COX19: variants seen among roughly 807,000 people sequenced by gnomAD.
COX19 encodes the protein cytochrome c oxidase assembly protein COX19.
Under a neutral mutation model 6.8 loss-of-function variants are expected in COX19, and 8 were observed. The observed-to-expected ratio is 1.18, with a 90% CI of 0.69 to 2.12. COX19 has a LOEUF of 2.12. Among genes scored for constraint, COX19 ranks in the 30% most tolerant of loss-of-function variants. COX19 has a pLI of 0.00. For synonymous variants in COX19, 51 were observed against 38.0 expected (o/e 1.34, Z -1.26); for missense variants, 131 against 104.6 (o/e 1.25, Z -1.10).
intron 1 of COX19, among the ~76,000 whole-genome samples, chr7:974,597 GAAAATGTCACAAT>G (rs1304709478): frequency 6.6e-6 from 1 of 152,158 alleles, no homozygotes; most frequent in Non-Finnish European, 1.5e-5. Flanking sequence ...TTTGCTATTT[GAAAATGTCACAAT>G]AAAATGTTGG....
In COX19 at chr7:969,372, C is replaced by G; in HGVS notation, c.*6G>C. 6.3e-7 allele frequency: 1 copy of G among 1,591,446 alleles called. No individual in the cohort carries two copies. Among genetic ancestry groups the G allele is most frequent in the South Asian group, 1.1e-5 (1 of 90,586 alleles). Reference sequence around the variant, plus strand: ...GAACACGGCCCAGGGGTCTTCTCATCAAAATTCATTTTTTTGCCTCTGATT... The same window carrying G: ...GAACACGGCCCAGGGGTCTTCTCATGAAAATTCATTTTTTTGCCTCTGATT... On this transcript the variant is annotated 3_prime_UTR_variant, in exon 3 of 3. Transcript: ENST00000344111.
In COX19 at chr7:964,868, T is replaced by C. The variant is rs1252362020; in HGVS notation, c.*4510A>G. ...CTCTGGAAATTGTCTTTGGGAGCCTTTTAATAATGTGGCCAGCTTATCATG... is the reference window on the plus strand; with the variant it reads ...CTCTGGAAATTGTCTTTGGGAGCCTCTTAATAATGTGGCCAGCTTATCATG... On this transcript the variant is annotated 3_prime_UTR_variant, in exon 3 of 3. Coordinates refer to ENST00000344111, the MANE Select transcript of COX19 (RefSeq NM_001031617.3). Among the ~76,000 whole-genome samples, 1 of 152,260 alleles carries C rather than the reference T, an allele frequency of 6.6e-6. No homozygotes were observed. Among genetic ancestry groups the C allele is most frequent in the Admixed American group, 6.5e-5 (1 of 15,284 alleles).
intron 2 of COX19, 77 bp downstream of exon 2, chr7:973,104 G>C: frequency 1.1e-6 from 1 of 938,808 alleles, no homozygotes; most frequent in Non-Finnish European, 1.5e-6. Flanking sequence ...AAGACACACT[G>C]TAATGGCCTT....
intron 2 of COX19, among the ~76,000 whole-genome samples, chr7:970,439 A>ATTTT (rs1171573366): frequency 1.6e-5 from 2 of 121,240 alleles, no homozygotes; most frequent in African/African-American, 3.3e-5. Context: ...CGGCCAGCTA[A>ATTTT]TTTTTTTTTT....
At chr7:975,242 G>A (rs944848202) in intron 1 of COX19, 186 bp downstream of exon 1, 2 of 470,702 alleles carry the variant, frequency 4.2e-6, no homozygotes, top group Admixed American at 4.3e-5. Flanking sequence ...GGTCCTGCCA[G>A]CTCCCACCTG....
chr7:970,956 C>A (rs1219661525), intron 2 of COX19, among the ~76,000 whole-genome samples: 2 of 152,160 alleles, frequency 1.3e-5, no homozygotes, highest in South Asian at 2.1e-4. Flanking sequence ...TCTTTATGGG[C>A]CCCACACTCT....
At chr7:969,828 C>T (rs1048214132) in intron 2 of COX19, among the ~76,000 whole-genome samples, 2 of 152,188 alleles carry the variant, frequency 1.3e-5, no homozygotes, top group East Asian at 3.8e-4. Flanking sequence ...GGATAATGAC[C>T]CCTAAAGGTG....
At position 965,128 on chromosome 7, in the gene COX19, G is replaced by T. The variant is rs976410975; in HGVS notation, c.*4250C>A. On this transcript the variant is annotated 3_prime_UTR_variant, in exon 3 of 3. Transcript: ENST00000344111. ...TTGGGATTCCGGCTTCTCTGCCTGT[G>T]ACCTGCTGAAACCATTCATGCCGGC... is the stretch of plus-strand genomic sequence containing the variant. Among the ~76,000 whole-genome samples, 11 of 152,184 alleles carry T rather than the reference G, an allele frequency of 7.2e-5. No homozygotes were observed. Among genetic ancestry groups the T allele is most frequent in the African/African-American group, 2.7e-4 (11 of 41,428 alleles).
chr7:965,527 G>A lies in COX19; in HGVS notation c.*3851C>T, dbSNP rs966945155. 2.6e-5 allele frequency among the ~76,000 whole-genome samples: 4 copies of A among 152,166 alleles called. No individual in the cohort carries two copies. The highest frequency in any genetic ancestry group is 5.9e-5 in the Non-Finnish European group (4 of 68,036). ...CCGGCGGTGGCTGCTGGGTTAAGGG[G>A]GCCTCTGCCGTTCTGCTGTGACATG... On this transcript the variant is annotated 3_prime_UTR_variant, in exon 3 of 3. Coordinates refer to ENST00000344111, the MANE Select transcript of COX19 (RefSeq NM_001031617.3).
intron 2 of COX19, among the ~76,000 whole-genome samples, chr7:971,098 A>G (rs1217062810): frequency 6.6e-6 from 1 of 152,166 alleles, no homozygotes; most frequent in African/African-American, 2.4e-5. Context: ...TCATCCCATG[A>G]GGCCCCCACA....
chr7:969,566 A>G, intron 2 of COX19, 110 bp from the exon 3 acceptor site: 1 of 749,798 alleles, frequency 1.3e-6, no homozygotes, highest in Non-Finnish European at 2.3e-6. Flanking sequence ...ACCTCCATCT[A>G]TGTCCTGGGA....
In COX19 at chr7:965,835, C is replaced by T. The variant is rs1040359679; in HGVS notation, c.*3543G>A. 1.3e-5 allele frequency among the ~76,000 whole-genome samples: 2 copies of T among 152,354 alleles called. No individual in the cohort carries two copies. Among genetic ancestry groups the T allele is most frequent in the African/African-American group, 4.8e-5 (2 of 41,582 alleles). ...TGTATTTTTAGTAGAGACAGGGTTT[C>T]TCCATGTTGGCCAGGCTGGCCTTGA... On this transcript the variant is annotated 3_prime_UTR_variant, in exon 3 of 3. Transcript: ENST00000344111.
chr7:973,369 G>A (rs1030392398), intron 1 of COX19, 77 bp from the exon 2 acceptor site: 37 of 1,442,128 alleles, frequency 2.6e-5, no homozygotes, highest in Middle Eastern at 1.8e-4. Flanking sequence ...TAAGAGCTGC[G>A]CTGCTTTTCC....
rs1166342275 is a variant in COX19 at position 966,631 on chromosome 7, CCT to C, written c.*2745_*2746del. Reference sequence around the variant, plus strand: ...TACAGAATGGTATCAGGGCCAAGACCCTGAGTGCACGGGTCACTGCGTCCAGG... The same window carrying C: ...TACAGAATGGTATCAGGGCCAAGACCGAGTGCACGGGTCACTGCGTCCAGG... On this transcript the variant is annotated 3_prime_UTR_variant, in exon 3 of 3. Coordinates refer to ENST00000344111, the MANE Select transcript of COX19 (RefSeq NM_001031617.3). The C allele has an allele frequency of 1.1e-4, 17 of 152,252 alleles. No homozygotes were observed. The highest frequency in any genetic ancestry group is 4.1e-4 in the African/African-American group (17 of 41,428). The allele number at this position is 152,252 out of a possible 1,614,324, so 9.4% of individuals were successfully genotyped here.
At chr7:975,125 C>A in intron 1 of COX19, 1 of 354,350 alleles carries the variant, frequency 2.8e-6, no homozygotes, top group Non-Finnish European at 5.1e-6. Flanking sequence ...ATGCCCCGCT[C>A]TGCAAACCCG....
chr7:972,645 T>C (rs960185051), intron 2 of COX19: 1 of 152,248 alleles, frequency 6.6e-6, no homozygotes, highest in Non-Finnish European at 1.5e-5. Context: ...GTGGGGATCA[T>C]AGCTACGAAC....
chr7:973,216 C>G lies in COX19; in HGVS notation c.159G>C (p.Lys53Asn). Residue 53 changes from lysine to asparagine, a missense_variant, in exon 2 of 3, where the codon AAG (lysine) becomes AAC (asparagine). Lys to Asn is a moderately conservative substitution (Grantham distance 94, BLOSUM62 0). Coordinates refer to ENST00000344111, the MANE Select transcript of COX19 (RefSeq NM_001031617.3). Reference protein sequence around the residue: ...NNNFENALCRKESKEYLECRM... With the variant: ...NNNFENALCRNESKEYLECRM... ...TGCATTCTAAATATTCTTTTGATTCCTTTCTGCACAAAGCATTTTCAAAAT... is the reference window on the plus strand; with the variant it reads ...TGCATTCTAAATATTCTTTTGATTCGTTTCTGCACAAAGCATTTTCAAAAT... The G allele has an allele frequency of 6.2e-7, 1 of 1,602,870 alleles. No individual in the cohort carries two copies. Among genetic ancestry groups the G allele is most frequent in the Non-Finnish European group, 8.5e-7 (1 of 1,175,130 alleles).
chr7:969,218 C>A lies in COX19; in HGVS notation c.*160G>T, dbSNP rs1847601641. On this transcript the variant is annotated 3_prime_UTR_variant, in exon 3 of 3. Transcript: ENST00000344111. ...CACCCTCCTAAGGGAAAACGGGACG[C>A]CACTCCCTACCCAGGAGACGCCCCC... 1 of 638,810 alleles carries A rather than the reference C, an allele frequency of 1.6e-6. No individual in the cohort carries two copies. Among genetic ancestry groups the A allele is most frequent in the African/African-American group, 1.8e-5 (1 of 54,584 alleles). The allele number at this position is 638,810 out of a possible 1,614,324, so 39.6% of individuals were successfully genotyped here.
rs577977089 is a variant in COX19 at position 971,693 on chromosome 7, A to C, written c.194+1488T>G. 3.3e-5 allele frequency among the ~76,000 whole-genome samples: 5 copies of C among 152,220 alleles called. No homozygotes were observed. In the East Asian group the frequency reaches 9.7e-4, roughly 29 times the overall value. On this transcript the variant is annotated intron_variant, in intron 2 of 2. Coordinates refer to ENST00000344111, the MANE Select transcript of COX19 (RefSeq NM_001031617.3). ...CAGACCATCCTGGCTAACACGGTGA[A>C]ACCCCGTCTCTACTAAAAATACAAA...
Sources: allele counts gnomAD v4.1 joint callset (sites outside exome capture counted in the v4.1 genomes callset), GRCh38; gene constraint gnomAD v4.1.1; transcripts MANE v1.5; gene names NCBI Gene and HGNC (gene_info 2026-07-23, HGNC 2026-07-21).